IMMP2L: variants seen among roughly 807,000 people sequenced by gnomAD.
IMMP2L encodes mitochondrial inner membrane protease subunit 2.
Under a neutral mutation model 19.3 loss-of-function variants are expected in IMMP2L, and 18 were observed. The ratio of observed to expected loss-of-function variants is 0.93; its 90% confidence interval spans 0.64 to 1.38. The LOEUF (loss-of-function observed/expected upper bound fraction) is 1.38. Among genes scored for constraint, IMMP2L ranks in the 40% most tolerant of loss-of-function variants. The pLI is 0.00. For missense variants in IMMP2L, 233 were observed against 218.2 expected, an observed-to-expected ratio of 1.07 and a Z score of -0.43; for synonymous variants, 76 against 73.0, an observed-to-expected ratio of 1.04 and a Z score of -0.21.
intron 3 of IMMP2L, among the ~76,000 whole-genome samples, chr7:111,337,843 A>G (rs531011667): frequency 7.2e-5 from 11 of 152,268 alleles, no homozygotes; most frequent in African/African-American, 2.6e-4. Context: ...CTTCTTTTCC[A>G]TCAACATTAG....
chr7:110,979,625 T>C (rs1229285022), intron 3 of IMMP2L, among the ~76,000 whole-genome samples: 1 of 151,938 alleles, frequency 6.6e-6, no homozygotes, highest in Non-Finnish European at 1.5e-5. Flanking sequence ...GTTGTGCACA[T>C]GTACCCTAGA....
intron 3 of IMMP2L, among the ~76,000 whole-genome samples, chr7:111,012,550 A>G (rs886527943): frequency 1.3e-5 from 2 of 152,208 alleles, no homozygotes. Flanking sequence ...GTTGATAAAG[A>G]CACAATCCTG....
At chr7:111,496,047 C>G (rs1264581979) in intron 2 of IMMP2L, among the ~76,000 whole-genome samples, 6 of 152,124 alleles carry the variant, frequency 3.9e-5, no homozygotes, top group Non-Finnish European at 1.5e-5. Context: ...TGAAATAGTA[C>G]TGTTGATTTA....
intron 3 of IMMP2L, among the ~76,000 whole-genome samples, chr7:111,192,370 C>T (rs1402724290): frequency 6.6e-6 from 1 of 152,016 alleles, no homozygotes; most frequent in South Asian, 2.1e-4. Context: ...TATCATGTGT[C>T]AATTAGTTTC....
chr7:110,970,026 G>A (rs1819972075), intron 3 of IMMP2L, among the ~76,000 whole-genome samples: 1 of 152,142 alleles, frequency 6.6e-6, no homozygotes, highest in Non-Finnish European at 1.5e-5. Flanking sequence ...TTGGTTAAAT[G>A]TTGGAGTTAT....
intron 5 of IMMP2L, among the ~76,000 whole-genome samples, chr7:110,742,563 T>C (rs1797055220): frequency 1.3e-5 from 2 of 152,060 alleles, no homozygotes; most frequent in Non-Finnish European, 2.9e-5. Flanking sequence ...GGTCTGGAGA[T>C]TGAGACCATT....
At chr7:111,019,487 G>A (rs566832725) in intron 3 of IMMP2L, among the ~76,000 whole-genome samples, 1 of 152,146 alleles carries the variant, frequency 6.6e-6, no homozygotes, top group African/African-American at 2.4e-5. Flanking sequence ...AGGTGCCCAG[G>A]AAGCAGACAG....
At chr7:111,486,350 A>T (rs1389651812) in intron 3 of IMMP2L, among the ~76,000 whole-genome samples, 1 of 152,134 alleles carries the variant, frequency 6.6e-6, no homozygotes, top group Non-Finnish European at 1.5e-5. Context: ...CCAATTATAA[A>T]TTACCATCCA....
chr7:110,689,376 T>C (rs1202845173), intron 5 of IMMP2L, among the ~76,000 whole-genome samples: 1 of 152,142 alleles, frequency 6.6e-6, no homozygotes, highest in Non-Finnish European at 1.5e-5. Flanking sequence ...TATTCTATTC[T>C]CCATATGTTT....
chr7:111,466,219 A>T lies in IMMP2L; in HGVS notation c.239+21019T>A, dbSNP rs377224131. Among the ~76,000 whole-genome samples the T allele has an allele frequency of 1.5e-4, 23 of 152,278 alleles. 2 individuals are homozygous for T. The East Asian group carries it at 2.3e-3, about 15-fold the overall frequency. ...AGGGATAGCATTAGGAGATACACCT[A>T]ATGTTAAATGACAAGTTAACGTTAA... On this transcript the variant is annotated intron_variant, in intron 3 of 5. Coordinates refer to ENST00000405709, the MANE Select transcript of IMMP2L (RefSeq NM_032549.4).
At chr7:111,237,472 C>A (rs901763544) in intron 3 of IMMP2L, among the ~76,000 whole-genome samples, 5 of 151,572 alleles carry the variant, frequency 3.3e-5, no homozygotes, top group African/African-American at 9.7e-5. Context: ...TATTTTTTGG[C>A]AATATTTAAC....
At chr7:111,063,495 T>A (rs980378187) in intron 3 of IMMP2L, among the ~76,000 whole-genome samples, 1 of 152,206 alleles carries the variant, frequency 6.6e-6, no homozygotes, top group Non-Finnish European at 1.5e-5. Context: ...TCCTCACTAC[T>A]TACGCAAATT....
chr7:110,916,311 G>C (rs1813608649), intron 4 of IMMP2L, among the ~76,000 whole-genome samples: 1 of 152,126 alleles, frequency 6.6e-6, no homozygotes, highest in African/African-American at 2.4e-5. Context: ...CTTTGAAGCA[G>C]AGTCATATGG....
At chr7:111,342,441 A>C (rs757860418) in intron 3 of IMMP2L, among the ~76,000 whole-genome samples, 3 of 151,842 alleles carry the variant, frequency 2.0e-5, no homozygotes, top group Admixed American at 6.6e-5. Context: ...AAAATACAAA[A>C]ATTAGCTGGG....
chr7:110,717,486 A>T (rs1468190439), intron 5 of IMMP2L, among the ~76,000 whole-genome samples: 1 of 150,938 alleles, frequency 6.6e-6, no homozygotes, highest in African/African-American at 2.4e-5. Flanking sequence ...AAACAAAACA[A>T]AAACAAAAAC....
At chr7:110,883,373 A>G (rs1036101532) in intron 5 of IMMP2L, among the ~76,000 whole-genome samples, 2 of 152,186 alleles carry the variant, frequency 1.3e-5, no homozygotes, top group Non-Finnish European at 2.9e-5. Context: ...CCTATTAGGC[A>G]TATTTCCTTC....
At chr7:110,672,741 T>A (rs534100305) in intron 5 of IMMP2L, among the ~76,000 whole-genome samples, 9 of 152,152 alleles carry the variant, frequency 5.9e-5, no homozygotes, top group Non-Finnish European at 1.3e-4. Context: ...ACCTTACAGT[T>A]CCAAAATGAT....
intron 3 of IMMP2L, among the ~76,000 whole-genome samples, chr7:111,445,875 C>T (rs1004923910): frequency 3.9e-5 from 6 of 152,024 alleles, no homozygotes; most frequent in Non-Finnish European, 8.8e-5. Context: ...CGAAGCAGGG[C>T]GAGGCATTGC....
At chr7:110,948,502 G>A (rs1380307211) in intron 4 of IMMP2L, among the ~76,000 whole-genome samples, 1 of 152,066 alleles carries the variant, frequency 6.6e-6, no homozygotes, top group Non-Finnish European at 1.5e-5. Flanking sequence ...AGTTGGGCTG[G>A]GCTTATAAAA....
Sources: gnomAD v4.1 joint callset for allele counts (sites outside exome capture counted in the v4.1 genomes callset) on GRCh38, gnomAD v4.1.1 for gene constraint, MANE v1.5 for transcripts, NCBI Gene and HGNC (gene_info 2026-07-23, HGNC 2026-07-21) for gene names.